MGMT: variants seen among roughly 807,000 people sequenced by gnomAD.
The protein encoded by MGMT is methylated-DNA--protein-cysteine methyltransferase.
A neutral mutation model predicts 15.9 loss-of-function variants in MGMT; 14 were observed. The ratio of observed to expected loss-of-function variants is 0.88; its 90% confidence interval spans 0.58 to 1.37. The LOEUF is 1.37. Among genes scored for constraint, MGMT ranks in the 40% most tolerant of loss-of-function variants. MGMT has a pLI of 0.00. For synonymous variants in MGMT, 130 were observed against 118.2 expected (o/e 1.10, Z -0.65); for missense variants, 282 against 268.1 (o/e 1.05, Z -0.36).
At chr10:129,676,008 C>T (rs935072649) in intron 2 of MGMT, among the ~76,000 whole-genome samples, 9 of 152,184 alleles carry the variant, frequency 5.9e-5, no homozygotes, top group East Asian at 3.9e-4. Flanking sequence ...CCTGGCACTG[C>T]GCCGGGCTCT....
chr10:129,547,210 C>T (rs141258506), intron 2 of MGMT, among the ~76,000 whole-genome samples: 68 of 152,326 alleles, frequency 4.5e-4, no homozygotes, highest in Non-Finnish European at 8.4e-4. Context: ...TGTTCCATAA[C>T]GTCCTGTGTC....
chr10:129,547,294 A>G (rs1021019903), intron 2 of MGMT, among the ~76,000 whole-genome samples: 1 of 151,980 alleles, frequency 6.6e-6, no homozygotes. Context: ...GGTCATCTCT[A>G]GTTTCACTGA....
At chr10:129,588,349 T>C (rs1346780472) in intron 2 of MGMT, among the ~76,000 whole-genome samples, 1 of 152,104 alleles carries the variant, frequency 6.6e-6, no homozygotes, top group African/African-American at 2.4e-5. Flanking sequence ...AGATGTGTGG[T>C]GGTTAAACCA....
chr10:129,525,614 G>T (rs965199112), intron 1 of MGMT, among the ~76,000 whole-genome samples: 1 of 152,118 alleles, frequency 6.6e-6, no homozygotes. Flanking sequence ...AATCAGAAAG[G>T]TGCTGTGCGG....
intron 3 of MGMT, among the ~76,000 whole-genome samples, chr10:129,713,985 C>G (rs1405938577): frequency 6.6e-6 from 1 of 152,232 alleles, no homozygotes; most frequent in Non-Finnish European, 1.5e-5. Context: ...ATTTGAATAC[C>G]TGCATCACCT....
rs1848957291 is a variant in MGMT, at chr10:129,767,875, C to T, written c.*878C>T. On this transcript the variant is annotated 3_prime_UTR_variant, in exon 5 of 5. Transcript: ENST00000651593. The stretch of plus-strand genomic sequence containing the variant: ...GACTGTGGGGGGCCAGCTCATGTCA[C>T]TGATGGCAGCAGGCAGGGTTTCCAG... The T allele has an allele frequency of 6.6e-6, 1 of 152,328 alleles. No homozygotes were observed. Among genetic ancestry groups the T allele is most frequent in the Non-Finnish European group, 1.5e-5 (1 of 68,104 alleles). 9.4% of individuals were successfully genotyped at this position (152,328 alleles called of 1,614,324 possible).
chr10:129,544,804 T>C (rs1251966301), intron 2 of MGMT, among the ~76,000 whole-genome samples: 1 of 152,244 alleles, frequency 6.6e-6, no homozygotes, highest in African/African-American at 2.4e-5. Flanking sequence ...GTCCACATTG[T>C]ATGGGAAATA....
At chr10:129,697,473 C>T (rs1848045430) in intron 2 of MGMT, among the ~76,000 whole-genome samples, 2 of 152,072 alleles carry the variant, frequency 1.3e-5, no homozygotes, top group African/African-American at 2.4e-5. Context: ...GTTGTTATTA[C>T]ATAACCTCCG....
chr10:129,600,141 G>A (rs1345542412), intron 2 of MGMT, among the ~76,000 whole-genome samples: 1 of 152,166 alleles, frequency 6.6e-6, no homozygotes, highest in African/African-American at 2.4e-5. Context: ...GTATCTCCAG[G>A]GATACAGCCT....
At chr10:129,610,565 G>C (rs1846948234) in intron 2 of MGMT, among the ~76,000 whole-genome samples, 1 of 152,186 alleles carries the variant, frequency 6.6e-6, no homozygotes, top group African/African-American at 2.4e-5. Context: ...CTTTTTCCTT[G>C]CTCTATTTTT....
intron 4 of MGMT, among the ~76,000 whole-genome samples, chr10:129,761,895 C>T (rs923534974): frequency 1.3e-5 from 2 of 152,188 alleles, no homozygotes; most frequent in Non-Finnish European, 2.9e-5. Flanking sequence ...GCTACGGTAC[C>T]CACAGACGCC....
chr10:129,611,151 G>A (rs1846954963), intron 2 of MGMT, among the ~76,000 whole-genome samples: 1 of 152,184 alleles, frequency 6.6e-6, no homozygotes, highest in African/African-American at 2.4e-5. Context: ...GCAGGTGGCT[G>A]TTGGGGAGTG....
intron 2 of MGMT, among the ~76,000 whole-genome samples, chr10:129,692,299 C>T (rs148559582): frequency 7.7e-4 from 117 of 152,282 alleles, no homozygotes; most frequent in African/African-American, 2.3e-3. Context: ...GCCTGAGCGG[C>T]GGCTTCCAGG....
chr10:129,696,592 A>G (rs76940281), intron 2 of MGMT, among the ~76,000 whole-genome samples: 2,720 of 152,374 alleles, frequency 0.018, 77 homozygotes, highest in African/African-American at 0.063. Flanking sequence ...TTCATTGGAA[A>G]AATGAAATCT....
chr10:129,672,574 G>C lies in MGMT; in HGVS notation c.126-35321G>C, dbSNP rs139141332. 2.6e-3 allele frequency among the ~76,000 whole-genome samples: 401 copies of C among 152,058 alleles called. 1 individual carries two copies. The highest frequency in any genetic ancestry group is 6.8e-3 in the Middle Eastern group (2 of 294). The stretch of plus-strand genomic sequence containing the variant: ...TCCATTGTGTTGATTTCTTCTGATC[G>C]CTCTAACAGTTCATTAGTTTTCTTT... On this transcript the variant is annotated intron_variant, in intron 2 of 4. Transcript: ENST00000651593.
At chr10:129,544,981 G>T (rs984737910) in intron 2 of MGMT, among the ~76,000 whole-genome samples, 1 of 152,178 alleles carries the variant, frequency 6.6e-6, no homozygotes, top group Non-Finnish European at 1.5e-5. Flanking sequence ...GACTCGGAGG[G>T]ACTGGCACCT....
At chr10:129,616,359 T>G (rs1847026413) in intron 2 of MGMT, among the ~76,000 whole-genome samples, 2 of 152,178 alleles carry the variant, frequency 1.3e-5, no homozygotes. Flanking sequence ...CGCCTCCAGG[T>G]GGTCTCAGGA....
chr10:129,591,937 T>A (rs903435819), intron 2 of MGMT, among the ~76,000 whole-genome samples: 3 of 152,032 alleles, frequency 2.0e-5, no homozygotes, highest in Middle Eastern at 3.4e-3. Context: ...TCTCAAAAAA[T>A]AAATAAATAA....
At chr10:129,602,870 A>G (rs148045127) in intron 2 of MGMT, among the ~76,000 whole-genome samples, 2 of 152,250 alleles carry the variant, frequency 1.3e-5, no homozygotes, top group Admixed American at 6.5e-5. Flanking sequence ...GTCTGCAAGT[A>G]TATTTCATAC....
Sources: gnomAD v4.1 joint callset for allele counts (sites outside exome capture counted in the v4.1 genomes callset) on GRCh38, gnomAD v4.1.1 for gene constraint, MANE v1.5 for transcripts, NCBI Gene and HGNC (gene_info 2026-07-23, HGNC 2026-07-21) for gene names.